Variants in GFRA2 observed in about 807,000 individuals in gnomAD.
GFRA2 encodes GDNF family receptor alpha-2.
GFRA2 carries 17 observed loss-of-function variants against 48.3 expected under a neutral mutation model. The ratio of observed to expected loss-of-function variants is 0.35; its 90% CI spans 0.24 to 0.53. GFRA2 has a LOEUF of 0.53. GFRA2 is among the 20% of genes least tolerant of loss of function. GFRA2 has a pLI of 0.93. For synonymous variants in GFRA2, 305 were observed against 257.2 expected, an observed-to-expected ratio of 1.19 and a Z score of -1.78; for missense variants, 660 against 637.3, an observed-to-expected ratio of 1.04 and a Z score of -0.38.
chr8:21,786,089 G>A (rs1368302383), intron 1 of GFRA2, among the ~76,000 whole-genome samples: 1 of 152,224 alleles, frequency 6.6e-6, no homozygotes, highest in Non-Finnish European at 1.5e-5. Context: ...GAAGGGCTGT[G>A]GAGCAAGGGG....
At chr8:21,805,877 A>T (rs1484994333) in intron 1 of GFRA2, among the ~76,000 whole-genome samples, 2 of 152,214 alleles carry the variant, frequency 1.3e-5, no homozygotes, top group Non-Finnish European at 2.9e-5. Context: ...GCCTGGAGAA[A>T]CAACAGCAAA....
intron 6 of GFRA2, among the ~76,000 whole-genome samples, chr8:21,704,558 G>C (rs373948136): frequency 9.2e-5 from 14 of 152,318 alleles, no homozygotes; most frequent in African/African-American, 3.4e-4. Flanking sequence ...ATCAAAGGCA[G>C]ACTGAGCTAG....
intron 2 of GFRA2, among the ~76,000 whole-genome samples, chr8:21,782,024 G>C (rs1025350920): frequency 3.9e-5 from 6 of 152,174 alleles, no homozygotes; most frequent in African/African-American, 1.4e-4. Context: ...TGGAAGCAGG[G>C]AGGCAGGAGC....
intron 4 of GFRA2, chr8:21,706,282 C>A (rs1455437378): frequency 7.9e-6 from 5 of 636,426 alleles, no homozygotes; most frequent in East Asian, 3.1e-5. Context: ...AAAACCCAGT[C>A]ATTGGCTGAC....
intron 7 of GFRA2, among the ~76,000 whole-genome samples, chr8:21,697,338 G>A (rs936485045): frequency 4.6e-5 from 7 of 151,890 alleles, no homozygotes; most frequent in African/African-American, 1.7e-4. Flanking sequence ...AGAGAATAAA[G>A]GGGGAGGCAA....
chr8:21,805,088 T>C (rs892693847), exon 2 of GFRA2: 6 of 152,210 alleles, frequency 3.9e-5, no homozygotes, highest in Admixed American at 2.6e-4. Flanking sequence ...AATTACAGAT[T>C]AGCTTTATCT....
chr8:21,705,924 G>T lies in GFRA2; in HGVS notation c.904+8C>A, dbSNP rs376848654. The T allele has an allele frequency of 6.5e-6, 10 of 1,527,642 alleles. No individual in the cohort carries two copies. The highest frequency in any genetic ancestry group is 8.9e-6 in the Non-Finnish European group (10 of 1,123,728). The allele number at this position is 1,527,642 out of a possible 1,614,324, so 94.6% of individuals were successfully genotyped here. ...CCCACAGAGCCCAGGTGAGCAGGAA[G>T]AGCTTACCAATCATGCCAGCATAAG... On this transcript the variant is annotated splice_region_variant and intron_variant, in intron 5 of 8. Coordinates refer to ENST00000524240, the MANE Select transcript of GFRA2 (RefSeq NM_001495.5).
rs1317435016 is a variant in GFRA2 at position 21,750,879 on chromosome 8, C to A, written c.503G>T (p.Cys168Phe). Residue 168 changes from cysteine to phenylalanine, a missense_variant, in exon 4 of 9, where the codon TGC (cysteine) becomes TTC (phenylalanine). Coordinates refer to ENST00000524240, the MANE Select transcript of GFRA2 (RefSeq NM_001495.5). The surrounding 1 kb of genome is among the most constrained non-coding windows in gnomAD (Gnocchi z 5.7). ...CTTCTTGCAGTTGTCATTCAGGTTG[C>A]AGGCCTTGGCAGCATCCAGGCAATG... is the stretch of plus-strand genomic sequence containing the variant. ...SNHCLDAAKA[C>F]NLNDNCKKLR... The A allele has an allele frequency of 6.2e-7, 1 of 1,613,784 alleles. No homozygotes were observed. The highest frequency in any genetic ancestry group is 1.7e-5 in the Admixed American group (1 of 60,008).
At chr8:21,736,960 A>C (rs949903773) in intron 4 of GFRA2, among the ~76,000 whole-genome samples, 1 of 151,254 alleles carries the variant, frequency 6.6e-6, no homozygotes, top group African/African-American at 2.4e-5. Flanking sequence ...GGCCTCCAAG[A>C]GCACATCATC....
chr8:21,727,371 C>A (rs1803921741), intron 4 of GFRA2, among the ~76,000 whole-genome samples: 1 of 152,142 alleles, frequency 6.6e-6, no homozygotes, highest in South Asian at 2.1e-4. Context: ...TGTGTAAGAA[C>A]AGAGGATTGG....
At chr8:21,772,041 C>T (rs1806461504) in intron 3 of GFRA2, among the ~76,000 whole-genome samples, 1 of 152,224 alleles carries the variant, frequency 6.6e-6, no homozygotes, top group African/African-American at 2.4e-5. Flanking sequence ...AAGCAGGAGG[C>T]TCGTGATGGC....
rs1227248025 is a variant in GFRA2 at position 21,694,482 on chromosome 8, T to G, written c.1254A>C (p.Leu418Phe). Residue 418 changes from leucine to phenylalanine, a missense_variant, in exon 8 of 9, where the codon TTA (leucine) becomes TTC (phenylalanine). Transcript: ENST00000524240. ...QGLKANNSKE[L>F]SMCFTELTTN... ...AACTCACCTCTGTGAAGCACATGCT[T>G]AACTCTTTGGAGTTGTTGGCCTTCA... 8.1e-6 allele frequency: 13 copies of G among 1,612,522 alleles called. No individual in the cohort carries two copies. The highest frequency in any genetic ancestry group is 1.3e-5 in the African/African-American group (1 of 75,032).
intron 3 of GFRA2, among the ~76,000 whole-genome samples, chr8:21,761,691 T>C (rs1805919049): frequency 6.6e-6 from 1 of 152,214 alleles, no homozygotes; most frequent in Non-Finnish European, 1.5e-5. Flanking sequence ...TGCTCACACC[T>C]GTAATCCCAG....
At chr8:21,701,887 C>T (rs989413849) in intron 7 of GFRA2, among the ~76,000 whole-genome samples, 6 of 152,124 alleles carry the variant, frequency 3.9e-5, no homozygotes, top group Non-Finnish European at 7.4e-5. Context: ...CCCAAAGCCA[C>T]GGCTTTGGAC....
At position 21,721,934 on chromosome 8, in the gene GFRA2, G is replaced by A. The variant is rs550626560; in HGVS notation, c.795-15893C>T. Among the ~76,000 whole-genome samples the A allele has an allele frequency of 1.6e-4, 25 of 152,296 alleles. 1 individual carries two copies. In the South Asian group the frequency reaches 3.9e-3, roughly 24 times the overall value. On this transcript the variant is annotated intron_variant, in intron 4 of 8. Transcript: ENST00000524240. ...TTCCAAGCCTTCTAGAGAAAACTGC[G>A]TAGACAAATATTTTTCCTATCAGGC...
intron 1 of GFRA2, among the ~76,000 whole-genome samples, chr8:21,806,721 C>T (rs1418737415): frequency 6.6e-6 from 1 of 152,218 alleles, no homozygotes; most frequent in African/African-American, 2.4e-5. Flanking sequence ...CCCACCTCTG[C>T]CTCCCAAAGC....
intron 4 of GFRA2, among the ~76,000 whole-genome samples, chr8:21,735,378 C>A (rs559452119): frequency 6.6e-6 from 1 of 152,162 alleles, no homozygotes; most frequent in East Asian, 1.9e-4. Flanking sequence ...AGCCCCCCCC[C>A]AATCCACCCC....
At chr8:21,791,635 AT>A (rs1807576154), upstream of GFRA2, among the ~76,000 whole-genome samples, 1 of 152,230 alleles carries the variant, frequency 6.6e-6, no homozygotes, top group South Asian at 2.1e-4. Context: ...AACCTCAGTC[AT>A]CTCATCTATA....
At chr8:21,758,930 C>G (rs1008800674) in intron 3 of GFRA2, among the ~76,000 whole-genome samples, 1 of 152,186 alleles carries the variant, frequency 6.6e-6, no homozygotes, top group African/African-American at 2.4e-5. Flanking sequence ...ATACCCACCT[C>G]TCCAGGAGCA....
Sources: gnomAD v4.1 joint callset for allele counts (sites outside exome capture counted in the v4.1 genomes callset) on GRCh38, gnomAD v4.1.1 for gene constraint, Gnocchi (gnomAD v3.1) non-coding constraint, MANE v1.5 for transcripts, NCBI Gene and HGNC (gene_info 2026-07-23, HGNC 2026-07-21) for gene names.